AARS1: variants seen among roughly 807,000 people sequenced by gnomAD.
AARS1 encodes alanine--tRNA ligase, cytoplasmic.
A neutral mutation model predicts 108.9 loss-of-function variants in AARS1; 72 were observed. The ratio of observed to expected loss-of-function variants is 0.66; its 90% CI spans 0.55 to 0.80. The LOEUF (loss-of-function observed/expected upper bound fraction) is 0.80, where lower values mean the gene tolerates loss of function less well. Among genes scored for constraint, AARS1 ranks in the 30% least tolerant of loss-of-function variants. AARS1 has a pLI of 0.00. For synonymous variants in AARS1, 489 were observed against 465.7 expected (o/e 1.05, Z -0.64); for missense variants, 1,193 against 1,233.2 (o/e 0.97, Z 0.49).
At position 70,252,374 on chromosome 16, in the gene AARS1, A is replaced by T; in HGVS notation, c.*347T>A. ...GCCCCTATTGGGAAGAGGGATAGAG[A>T]TCATGCGGCATTAAGTATTGCACGT... On this transcript the variant is annotated 3_prime_UTR_variant, in exon 21 of 21. Coordinates refer to ENST00000261772, the MANE Select transcript of AARS1 (RefSeq NM_001605.3). 2.5e-6 allele frequency: 1 copy of T among 396,722 alleles called. No individual in the cohort carries two copies. The allele number at this position is 396,722 out of a possible 1,614,324, so 24.6% of individuals were successfully genotyped here. A position where few individuals can be genotyped will look rare whatever the true frequency, so the allele number is the denominator to read the frequency against.
intron 13 of AARS1, among the ~76,000 whole-genome samples, chr16:70,260,656 A>C (rs1021883057): frequency 6.6e-6 from 1 of 152,060 alleles, no homozygotes; most frequent in Non-Finnish European, 1.5e-5. Context: ...GGGAGTGATA[A>C]CAGTGACAGG....
rs879880833 is a variant in AARS1, at chr16:70,255,867, A to T, written c.2178-31T>A. The stretch of plus-strand genomic sequence containing the variant: ...TGGCAGAACACAAAGTCCATAGTGA[A>T]AGAGGCCCTGGCAGCCCTTGGCTGG... On this transcript the variant is annotated intron_variant, in intron 15 of 20. Coordinates refer to ENST00000261772, the MANE Select transcript of AARS1 (RefSeq NM_001605.3). The T allele has an allele frequency of 2.5e-6, 4 of 1,597,382 alleles. No individual in the cohort carries two copies. The Admixed American group carries it at 5.2e-5, about 21-fold the overall frequency.
At chr16:70,279,652 C>G (rs1392487172) in intron 2 of AARS1, among the ~76,000 whole-genome samples, 1 of 135,800 alleles carries the variant, frequency 7.4e-6, no homozygotes, top group Non-Finnish European at 1.6e-5. Context: ...AAGAGCAAAA[C>G]TCTGTCTCAA....
chr16:70,254,190 G>A (rs573301270), intron 17 of AARS1, 152 bp from the exon 18 acceptor site: 170 of 1,072,214 alleles, frequency 1.6e-4, no homozygotes, highest in Admixed American at 4.7e-4. Context: ...AGGAGCAGCT[G>A]TGGCAGGTGA....
chr16:70,282,162 AATG>A (rs1960712093), intron 2 of AARS1, among the ~76,000 whole-genome samples: 1 of 151,346 alleles, frequency 6.6e-6, no homozygotes, highest in African/African-American at 2.4e-5. Flanking sequence ...AAAAAAAAAT[AATG>A]ATAATACAAA....
chr16:70,282,020 T>C (rs550091093), intron 2 of AARS1, among the ~76,000 whole-genome samples: 7 of 151,394 alleles, frequency 4.6e-5, no homozygotes, highest in Non-Finnish European at 1.0e-4. Context: ...TACTTGGTGG[T>C]GGGCACCTGT....
rs1960301855 is a variant in AARS1 at position 70,267,890 on chromosome 16, G to A, written c.1072-81C>T. On this transcript the variant is annotated intron_variant, in intron 8 of 20. Transcript: ENST00000261772. Reference sequence around the variant, plus strand: ...CCCGTCTTAAAAAAGCTCCTTAGCTGGGTGCAGTGGCTCACGCCTGTAATC... The same window carrying A: ...CCCGTCTTAAAAAAGCTCCTTAGCTAGGTGCAGTGGCTCACGCCTGTAATC... The A allele has an allele frequency of 4.7e-5, 74 of 1,589,988 alleles. No homozygotes were observed. In the South Asian group the frequency reaches 7.3e-4, roughly 16 times the overall value.
chr16:70,282,560 A>G lies in AARS1; in HGVS notation c.144+60T>C, dbSNP rs1960727102. On this transcript the variant is annotated intron_variant, in intron 2 of 20. Coordinates refer to ENST00000261772, the MANE Select transcript of AARS1 (RefSeq NM_001605.3). ...GGTCTGACCCCAGGGCTGTGCTTTTATCTGGGCTCTGCTGCCTCTTATGTG... is the reference window on the plus strand; with the variant it reads ...GGTCTGACCCCAGGGCTGTGCTTTTGTCTGGGCTCTGCTGCCTCTTATGTG... The G allele has an allele frequency of 1.9e-6, 3 of 1,601,796 alleles. No homozygotes were observed. In the South Asian group the frequency reaches 3.3e-5, roughly 18 times the overall value.
intron 20 of AARS1, 80 bp downstream of exon 20, chr16:70,253,188 G>A (rs757268636): frequency 1.0e-4 from 129 of 1,238,234 alleles, no homozygotes; most frequent in Non-Finnish European, 1.4e-4. Flanking sequence ...AGGCTGTTTC[G>A]AATGCAGGCT....
chr16:70,252,994 C>T (rs1959879690), intron 20 of AARS1, 88 bp from the exon 21 acceptor site: 2 of 1,407,132 alleles, frequency 1.4e-6, no homozygotes, highest in African/African-American at 2.8e-5. Flanking sequence ...GGAGCCATCA[C>T]CCACTCCTTG....
rs1163137643 is a variant in AARS1 at position 70,265,649 on chromosome 16, C to T, written c.1236G>A (p.Trp412Ter). 1.2e-6 allele frequency: 2 copies of T among 1,613,686 alleles called. No homozygotes were observed. The highest frequency in any genetic ancestry group is 1.7e-5 in the Admixed American group (1 of 59,950). The stretch of plus-strand genomic sequence containing the variant: ...GAAACCCATAGGTGTCATAGAGGAG[C>T]CAAGCAGTGTCTCCTACACAGCACA... Reference protein sequence around the residue: ...DSKTIPGDTAWLLYDTYGFPV... With the variant: ...DSKTIPGDTA Residue 412 changes from tryptophan (W) to a stop codon, truncating the protein, a stop_gained, in exon 10 of 21, where the codon TGG (tryptophan) becomes TGA (stop). Transcript: ENST00000261772. LOFTEE classifies it high-confidence loss of function.
intron 15 of AARS1, among the ~76,000 whole-genome samples, chr16:70,256,059 G>C (rs1959985053): frequency 6.6e-6 from 1 of 152,188 alleles, no homozygotes; most frequent in Non-Finnish European, 1.5e-5. Flanking sequence ...AAAATCAAAT[G>C]AGGTAAACAT....
chr16:70,264,473 C>T (rs745542755), intron 11 of AARS1, among the ~76,000 whole-genome samples: 3 of 151,838 alleles, frequency 2.0e-5, no homozygotes, highest in South Asian at 2.1e-4. Context: ...CACGCCACCA[C>T]GCCCGGCTAA....
intron 1 of AARS1, among the ~76,000 whole-genome samples, chr16:70,283,489 G>A (rs1002672747): frequency 3.9e-5 from 6 of 152,092 alleles, no homozygotes; most frequent in African/African-American, 1.4e-4. Flanking sequence ...AGAGGCTCAG[G>A]AGACCGGGGT....
intron 2 of AARS1, among the ~76,000 whole-genome samples, chr16:70,281,823 G>A (rs1960702926): frequency 6.6e-6 from 1 of 152,092 alleles, no homozygotes; most frequent in Non-Finnish European, 1.5e-5. Flanking sequence ...CTGCACTCCA[G>A]CAAGGGTGAC....
chr16:70,281,325 G>A (rs373676958), intron 2 of AARS1, among the ~76,000 whole-genome samples: 2 of 152,118 alleles, frequency 1.3e-5, no homozygotes, highest in Non-Finnish European at 2.9e-5. Context: ...CCATGAGCTC[G>A]AGACCAGCCT....
At chr16:70,266,240 G>C (rs934424592) in intron 9 of AARS1, among the ~76,000 whole-genome samples, 2 of 152,080 alleles carry the variant, frequency 1.3e-5, no homozygotes, top group African/African-American at 2.4e-5. Flanking sequence ...CGTGAACCCG[G>C]GAGGTGGAGC....
At chr16:70,287,771 T>C (rs1237847079) in intron 1 of AARS1, among the ~76,000 whole-genome samples, 1 of 152,256 alleles carries the variant, frequency 6.6e-6, no homozygotes, top group Admixed American at 6.5e-5. Context: ...AGACACTTTT[T>C]CTTTTTTTTG....
Position 70,282,732 on chromosome 16 carries a change from C to T in AARS1, c.32G>A (p.Arg11Gln), listed in dbSNP as rs1396781737. Residue 11 changes from arginine (R) to glutamine (Q), a missense_variant, in exon 2 of 21, where the codon CGG (arginine) becomes CAG (glutamine). Arg to Gln is a conservative substitution (Grantham distance 43). Transcript: ENST00000261772. The stretch of plus-strand genomic sequence containing the variant: ...CTTGAAGAAATCTATAAATCGCTGC[C>T]GGATTTCACTTGCTGTTAGAGTAGA... MDSTLTASEI[R>Q]QRFIDFFKRN... The T allele has an allele frequency of 2.5e-6, 4 of 1,613,956 alleles. No homozygotes were observed. Among genetic ancestry groups the T allele is most frequent in the East Asian group, 2.2e-5 (1 of 44,886 alleles).
Sources: allele counts gnomAD v4.1 joint callset (sites outside exome capture counted in the v4.1 genomes callset), GRCh38; gene constraint gnomAD v4.1.1; transcripts MANE v1.5; gene names NCBI Gene and HGNC (gene_info 2026-07-23, HGNC 2026-07-21).